Variants in PTPRT observed in about 807,000 individuals in gnomAD.
The protein encoded by PTPRT is protein tyrosine phosphatase receptor type T.
Under a neutral mutation model 176.8 loss-of-function variants are expected in PTPRT, and 56 were observed. The observed-to-expected ratio is 0.32, with a 90% CI of 0.26 to 0.40. The LOEUF (loss-of-function observed/expected upper bound fraction) is 0.40, where lower values mean the gene tolerates loss of function less well. PTPRT is among the 10% of genes least tolerant of loss of function. The pLI is 1.00. For missense variants in PTPRT, 1,540 were observed against 1,908.2 expected (o/e 0.81, Z 3.60); for synonymous variants, 783 against 739.0 (o/e 1.06, Z -0.96).
intron 7 of PTPRT, among the ~76,000 whole-genome samples, chr20:42,551,576 A>C (rs532553376): frequency 6.6e-6 from 1 of 152,298 alleles, no homozygotes; most frequent in East Asian, 1.9e-4. Flanking sequence ...TATCTGGTGT[A>C]ATAAGCTTAG....
intron 9 of PTPRT, among the ~76,000 whole-genome samples, chr20:42,366,318 A>AT: frequency 6.6e-6 from 1 of 152,168 alleles, no homozygotes; most frequent in African/African-American, 2.4e-5. Context: ...CACATGCTCC[A>AT]TTTTCCAACT....
intron 7 of PTPRT, among the ~76,000 whole-genome samples, chr20:42,619,506 A>C (rs1413079790): frequency 7.7e-6 from 1 of 129,790 alleles, no homozygotes; most frequent in East Asian, 2.0e-4. Flanking sequence ...AGATTGGGGA[A>C]GTTCTCCTGG....
chr20:42,946,695 C>G (rs1220522510), intron 1 of PTPRT, among the ~76,000 whole-genome samples: 1 of 152,176 alleles, frequency 6.6e-6, no homozygotes, highest in Non-Finnish European at 1.5e-5. Flanking sequence ...ACCATATATA[C>G]TGGTATAATT....
intron 17 of PTPRT, among the ~76,000 whole-genome samples, chr20:42,154,822 T>G (rs1337432723): frequency 6.6e-6 from 1 of 152,140 alleles, no homozygotes; most frequent in African/African-American, 2.4e-5. Context: ...TGCTTAGGGT[T>G]TTGCTGTGTA....
intron 7 of PTPRT, among the ~76,000 whole-genome samples, chr20:42,599,688 AG>A (rs2073741276): frequency 6.6e-6 from 1 of 152,134 alleles, no homozygotes; most frequent in South Asian, 2.1e-4. Flanking sequence ...CTCTTTACAC[AG>A]AACTGGCCGC....
intron 12 of PTPRT, among the ~76,000 whole-genome samples, chr20:42,309,447 T>C (rs1403947409): frequency 6.6e-6 from 1 of 151,972 alleles, no homozygotes; most frequent in African/African-American, 2.4e-5. Flanking sequence ...GCTTGGGAAA[T>C]GAGACATCTG....
intron 27 of PTPRT, among the ~76,000 whole-genome samples, chr20:42,094,264 T>C (rs1984960758): frequency 6.6e-6 from 1 of 152,206 alleles, no homozygotes; most frequent in South Asian, 2.1e-4. Flanking sequence ...ATTCTTTTAT[T>C]TCTTCAGCCA....
At chr20:42,942,926 A>G (rs1048689226) in intron 1 of PTPRT, among the ~76,000 whole-genome samples, 6 of 152,252 alleles carry the variant, frequency 3.9e-5, no homozygotes, top group African/African-American at 1.4e-4. Context: ...GAATTAATAA[A>G]GAAAAGCTTA....
intron 1 of PTPRT, among the ~76,000 whole-genome samples, chr20:43,045,029 G>A (rs2425563): frequency 0.32 from 48,860 of 152,130 alleles, 10,935 homozygotes; most frequent in African/African-American, 0.63. Context: ...AGACGGGCAG[G>A]CAGGAAGGAA....
intron 2 of PTPRT, among the ~76,000 whole-genome samples, chr20:42,808,301 G>A (rs1051713683): frequency 4.6e-5 from 7 of 152,154 alleles, no homozygotes; most frequent in African/African-American, 1.7e-4. Context: ...GAATCCCAGA[G>A]AATCCAACAG....
At chr20:43,021,300 C>T (rs965371531) in intron 1 of PTPRT, among the ~76,000 whole-genome samples, 1 of 152,114 alleles carries the variant, frequency 6.6e-6, no homozygotes, top group African/African-American at 2.4e-5. Context: ...TTCCTAAACA[C>T]ATGTTACCTC....
chr20:43,044,218 A>C (rs1221219997), intron 1 of PTPRT, among the ~76,000 whole-genome samples: 5 of 152,142 alleles, frequency 3.3e-5, no homozygotes, highest in Non-Finnish European at 7.4e-5. Context: ...GCAGAAGGGC[A>C]AATCCACAGG....
chr20:43,121,371 T>C (rs906215105), intron 1 of PTPRT, among the ~76,000 whole-genome samples: 1 of 152,226 alleles, frequency 6.6e-6, no homozygotes. Context: ...CCTCTAAGAA[T>C]GAGATAATGC....
chr20:42,161,011 T>C (rs1277459407), intron 17 of PTPRT, among the ~76,000 whole-genome samples: 1 of 151,984 alleles, frequency 6.6e-6, no homozygotes, highest in Admixed American at 6.6e-5. Context: ...TCTGGCATAG[T>C]GAATGGAGGT....
chr20:42,631,014 A>G (rs1428025119), intron 7 of PTPRT, among the ~76,000 whole-genome samples: 1 of 152,078 alleles, frequency 6.6e-6, no homozygotes, highest in Non-Finnish European at 1.5e-5. Flanking sequence ...TACCCAAGAA[A>G]CCATTACAGA....
chr20:42,241,579 G>A lies in PTPRT; in HGVS notation c.2313-5321C>T, dbSNP rs899145080. Among the ~76,000 whole-genome samples the A allele has an allele frequency of 1.1e-4, 16 of 152,232 alleles. No individual in the cohort carries two copies. In the East Asian group the frequency reaches 3.1e-3, roughly 29 times the overall value. On this transcript the variant is annotated intron_variant, in intron 14 of 30. Transcript: ENST00000373187. ...TGACTGGCCAACACAAGAAATACCA[G>A]GGGCTTCCTTTGCAGTGGCCATGGG... is the stretch of plus-strand genomic sequence containing the variant.
chr20:42,347,423 G>A (rs941112482), intron 11 of PTPRT, among the ~76,000 whole-genome samples: 11 of 151,936 alleles, frequency 7.2e-5, no homozygotes, highest in Admixed American at 3.3e-4. Context: ...CCAGTCTACC[G>A]CTTCTCTCAA....
At position 42,859,027 on chromosome 20, in the gene PTPRT, ACT is replaced by A. The variant is rs752085782; in HGVS notation, c.214+26778_214+26779del. On this transcript the variant is annotated intron_variant, in intron 2 of 30. Transcript: ENST00000373187. ...ACCCTGACAAAGGTTTAGGGCTCTTACTCTCTCCTTTGTGCCTCAATGAGCTG... is the reference window on the plus strand; with the variant it reads ...ACCCTGACAAAGGTTTAGGGCTCTTACTCTCCTTTGTGCCTCAATGAGCTG... 1.6e-4 allele frequency among the ~76,000 whole-genome samples: 25 copies of A among 152,128 alleles called. No individual in the cohort carries two copies. The South Asian group carries it at 2.1e-3, about 13-fold the overall frequency.
At chr20:42,839,620 A>G (rs2078242921) in intron 2 of PTPRT, among the ~76,000 whole-genome samples, 2 of 152,148 alleles carry the variant, frequency 1.3e-5, no homozygotes, top group Admixed American at 6.5e-5. Context: ...ATTCCCTTGA[A>G]TCCTGCTGGC....
Sources: allele counts gnomAD v4.1 joint callset (sites outside exome capture counted in the v4.1 genomes callset), GRCh38; gene constraint gnomAD v4.1.1; transcripts MANE v1.5; gene names NCBI Gene and HGNC (gene_info 2026-07-23, HGNC 2026-07-21).